The following GLCE variants were observed in gnomAD, a reference collection of about 807,000 sequenced individuals.
GLCE encodes D-glucuronyl C5-epimerase.
A neutral mutation model predicts 47.9 loss-of-function variants in GLCE; 19 were observed. The ratio of observed to expected loss-of-function variants is 0.40; its 90% confidence interval spans 0.28 to 0.58. The LOEUF (loss-of-function observed/expected upper bound fraction) is 0.58. GLCE is among the 20% of genes least tolerant of loss of function. GLCE has a pLI of 0.48. For synonymous variants in GLCE, 245 were observed against 263.4 expected, an observed-to-expected ratio of 0.93 and a Z score of 0.68; for missense variants, 556 against 743.3, an observed-to-expected ratio of 0.75 and a Z score of 2.93.
chr15:69,262,547 G>C (rs759471196), intron 4 of GLCE, among the ~76,000 whole-genome samples: 6 of 152,122 alleles, frequency 3.9e-5, no homozygotes, highest in Non-Finnish European at 7.4e-5. Flanking sequence ...TGATCTCCTT[G>C]AGTGTTTGGA....
intron 2 of GLCE, among the ~76,000 whole-genome samples, chr15:69,242,848 C>G (rs1396344480): frequency 6.6e-6 from 1 of 151,406 alleles, no homozygotes; most frequent in African/African-American, 2.4e-5. Flanking sequence ...AAGTTCAAGA[C>G]CAGTCTGGGA....
At chr15:69,210,696 A>G (rs978209003) in intron 2 of GLCE, among the ~76,000 whole-genome samples, 2 of 152,154 alleles carry the variant, frequency 1.3e-5, no homozygotes, top group Non-Finnish European at 2.9e-5. Context: ...ATGATTATAC[A>G]TTCACTGGAA....
chr15:69,191,648 A>G (rs1262566701), intron 1 of GLCE, among the ~76,000 whole-genome samples: 1 of 152,184 alleles, frequency 6.6e-6, no homozygotes, highest in Non-Finnish European at 1.5e-5. Context: ...GCATGTAGCA[A>G]AATTCCAGTT....
chr15:69,221,862 C>CAAAAA (rs35986310), intron 2 of GLCE, among the ~76,000 whole-genome samples: 1 of 87,446 alleles, frequency 1.1e-5, no homozygotes. Context: ...GACGCTGTCT[C>CAAAAA]AAAAAAAAAA....
intron 2 of GLCE, among the ~76,000 whole-genome samples, chr15:69,216,671 A>G (rs772022124): frequency 7.9e-5 from 12 of 152,080 alleles, no homozygotes; most frequent in Non-Finnish European, 4.4e-5. Flanking sequence ...TATACAGCAA[A>G]CTGTATAGCT....
chr15:69,210,473 G>A (rs1260378659), intron 2 of GLCE, 67 bp downstream of exon 2: 1 of 152,016 alleles, frequency 6.6e-6, no homozygotes, highest in Non-Finnish European at 1.5e-5. Context: ...CTAGAATTTA[G>A]ATTGTTTCAT....
chr15:69,161,086 T>G (rs2051412060), intron 1 of GLCE, among the ~76,000 whole-genome samples: 1 of 151,984 alleles, frequency 6.6e-6, no homozygotes, highest in Admixed American at 6.5e-5. Context: ...GAGGGAGATT[T>G]ATCAGGGTCT....
chr15:69,206,580 A>G (rs1014135779), intron 1 of GLCE, among the ~76,000 whole-genome samples: 1 of 152,030 alleles, frequency 6.6e-6, no homozygotes, highest in Non-Finnish European at 1.5e-5. Context: ...TTATAATTCA[A>G]TACTATGTTA....
At chr15:69,252,388 C>A (rs1409368025) in intron 2 of GLCE, among the ~76,000 whole-genome samples, 1 of 152,228 alleles carries the variant, frequency 6.6e-6, no homozygotes, top group Non-Finnish European at 1.5e-5. Context: ...CTGGAGCAAG[C>A]AGGTCACATG....
intron 1 of GLCE, among the ~76,000 whole-genome samples, chr15:69,207,888 C>G (rs2052173931): frequency 6.6e-6 from 1 of 152,010 alleles, no homozygotes; most frequent in African/African-American, 2.4e-5. Flanking sequence ...TCCTATTGCT[C>G]TGTATCTTTA....
chr15:69,184,898 G>A (rs2051800164), intron 1 of GLCE, among the ~76,000 whole-genome samples: 1 of 152,162 alleles, frequency 6.6e-6, no homozygotes, highest in Non-Finnish European at 1.5e-5. Flanking sequence ...TTAACCAGAG[G>A]CCACCAGCAA....
intron 3 of GLCE, 62 bp from the exon 4 acceptor site, chr15:69,261,025 G>A: frequency 3.4e-6 from 5 of 1,466,184 alleles, no homozygotes; most frequent in Non-Finnish European, 4.7e-6. Flanking sequence ...GTGAGGAATG[G>A]TATTAGGAAT....
intron 2 of GLCE, among the ~76,000 whole-genome samples, chr15:69,232,181 T>G (rs1220536983): frequency 6.6e-6 from 1 of 152,226 alleles, no homozygotes; most frequent in Non-Finnish European, 1.5e-5. Flanking sequence ...ATAACAATTT[T>G]AATTATTTGA....
chr15:69,225,096 T>TAGTGA (rs1566961248), intron 2 of GLCE, among the ~76,000 whole-genome samples: 1 of 152,196 alleles, frequency 6.6e-6, no homozygotes, highest in Admixed American at 6.5e-5. Flanking sequence ...CATATACCCA[T>TAGTGA]AGTGATATAA....
At chr15:69,181,994 G>A (rs1323023555) in intron 1 of GLCE, among the ~76,000 whole-genome samples, 1 of 151,902 alleles carries the variant, frequency 6.6e-6, no homozygotes, top group East Asian at 1.9e-4. Context: ...CACAGACGTA[G>A]TTAGGTAGAT....
At chr15:69,184,426 A>AT (rs1720744760) in intron 1 of GLCE, among the ~76,000 whole-genome samples, 1 of 152,184 alleles carries the variant, frequency 6.6e-6, no homozygotes, top group African/African-American at 2.4e-5. Flanking sequence ...TATTTCTAGA[A>AT]TTTTTTCACC....
chr15:69,188,828 A>G (rs1399445001), intron 1 of GLCE, among the ~76,000 whole-genome samples: 1 of 152,202 alleles, frequency 6.6e-6, no homozygotes, highest in African/African-American at 2.4e-5. Flanking sequence ...TATTAATTTT[A>G]TTGATCTCAG....
At chr15:69,186,113 G>T (rs2051819235) in intron 1 of GLCE, among the ~76,000 whole-genome samples, 1 of 152,102 alleles carries the variant, frequency 6.6e-6, no homozygotes, top group Admixed American at 6.5e-5. Context: ...TACCCCCTGG[G>T]AACCTCCGTA....
At chr15:69,175,004 C>T (rs1272368038) in intron 1 of GLCE, among the ~76,000 whole-genome samples, 1 of 150,970 alleles carries the variant, frequency 6.6e-6, no homozygotes, top group Non-Finnish European at 1.5e-5. Flanking sequence ...GATTATAAGC[C>T]CCTTGAAGAC....
Sources: allele counts gnomAD v4.1 joint callset (sites outside exome capture counted in the v4.1 genomes callset), GRCh38; gene constraint gnomAD v4.1.1; transcripts MANE v1.5; gene names NCBI Gene and HGNC (gene_info 2026-07-23, HGNC 2026-07-21).